The following MARCHF1 variants were observed in gnomAD, a reference collection of about 807,000 sequenced individuals.
MARCHF1 encodes the protein membrane associated ring-CH-type finger 1.
Under a neutral mutation model 54.2 loss-of-function variants are expected in MARCHF1, and 40 were observed. The ratio of observed to expected loss-of-function variants is 0.74; its 90% CI spans 0.57 to 0.96. The LOEUF (loss-of-function observed/expected upper bound fraction) is 0.96, where lower values mean the gene tolerates loss of function less well. Ranked by LOEUF, MARCHF1 falls within the 40% of genes least tolerant of loss-of-function variation. The probability of loss-of-function intolerance (pLI) is 0.00; values close to 1 mark genes in which losing one functional copy is unlikely to be tolerated. For missense variants in MARCHF1, 586 were observed against 656.5 expected (o/e 0.89, Z 1.17); for synonymous variants, 236 against 236.3 (o/e 1.00, Z 0.01).
chr4:164,292,675 C>T (rs896725680), intron 1 of MARCHF1, among the ~76,000 whole-genome samples: 1 of 152,070 alleles, frequency 6.6e-6, no homozygotes, highest in Non-Finnish European at 1.5e-5. Context: ...AATTTACCAC[C>T]ATCTGCAAAT....
intron 3 of MARCHF1, among the ~76,000 whole-genome samples, chr4:163,942,933 CAA>C (rs375426772): frequency 2.9e-5 from 4 of 139,760 alleles, no homozygotes; most frequent in Admixed American, 7.2e-5. Flanking sequence ...ACCTCTCTTC[CAA>C]AAAAAAAAAA....
intron 1 of MARCHF1, among the ~76,000 whole-genome samples, chr4:164,184,935 A>G (rs1163409669): frequency 6.6e-6 from 1 of 152,236 alleles, no homozygotes; most frequent in Admixed American, 6.5e-5. Context: ...AACTAAGTGA[A>G]TGTACTTAAT....
At chr4:164,278,090 T>A (rs1733930940) in intron 1 of MARCHF1, among the ~76,000 whole-genome samples, 1 of 152,164 alleles carries the variant, frequency 6.6e-6, no homozygotes, top group African/African-American at 2.4e-5. Context: ...AAGGCAGGAT[T>A]ACTTGAGCCC....
chr4:163,801,796 C>A (rs910637555), intron 4 of MARCHF1, among the ~76,000 whole-genome samples: 2 of 152,028 alleles, frequency 1.3e-5, no homozygotes, highest in African/African-American at 4.8e-5. Flanking sequence ...GTGTATCTGG[C>A]TTGTTTCATG....
intron 3 of MARCHF1, among the ~76,000 whole-genome samples, chr4:163,861,002 C>A (rs1164929575): frequency 1.3e-5 from 2 of 152,074 alleles, no homozygotes; most frequent in African/African-American, 4.8e-5. Context: ...AAATATGACA[C>A]AGATAATAGG....
chr4:163,787,861 T>C (rs1158579451), intron 4 of MARCHF1, among the ~76,000 whole-genome samples: 2 of 151,936 alleles, frequency 1.3e-5, no homozygotes, highest in Admixed American at 6.6e-5. Flanking sequence ...AACAAAAACA[T>C]GGCATATACA....
At chr4:164,378,031 G>A (rs1731247486) in intron 1 of MARCHF1, among the ~76,000 whole-genome samples, 2 of 152,174 alleles carry the variant, frequency 1.3e-5, no homozygotes, top group Non-Finnish European at 2.9e-5. Context: ...AACTAGAAAA[G>A]CCAGATATAA....
rs575252601 is a variant in MARCHF1 at position 164,127,549 on chromosome 4, G to A, written c.-322-15887C>T. On this transcript the variant is annotated intron_variant, in intron 1 of 9. Coordinates refer to ENST00000514618, the MANE Select transcript of MARCHF1 (RefSeq NM_001394959.1). ...GCATATTCAAGAGCTGAAACAATGC[G>A]GAACCAAATGTTAAACCAAAAAATG... Among the ~76,000 whole-genome samples the A allele has an allele frequency of 3.0e-4, 45 of 152,016 alleles. No individual in the cohort carries two copies. The South Asian group carries it at 8.9e-3, about 30-fold the overall frequency.
chr4:163,796,313 G>T (rs1014797579), intron 4 of MARCHF1, among the ~76,000 whole-genome samples: 12 of 132,254 alleles, frequency 9.1e-5, no homozygotes, highest in Non-Finnish European at 1.7e-4. Context: ...TGCAACCTCC[G>T]CCTCCCAGGT....
intron 2 of MARCHF1, among the ~76,000 whole-genome samples, chr4:164,000,931 A>G (rs960289545): frequency 6.6e-6 from 1 of 151,702 alleles, no homozygotes; most frequent in Non-Finnish European, 1.5e-5. Context: ...ATTATCGGTT[A>G]TGTTTAGTTA....
rs1431271393 is a variant in MARCHF1 at position 163,633,433 on chromosome 4, G to A, written c.163-20040C>T. On this transcript the variant is annotated intron_variant, in intron 5 of 9. Coordinates refer to ENST00000514618, the MANE Select transcript of MARCHF1 (RefSeq NM_001394959.1). ...GATGGAGCTGAAAACCAAGGCTTGA[G>A]AACTACGTAAAGAATGCAGAAGCCT... 5.3e-5 allele frequency among the ~76,000 whole-genome samples: 8 copies of A among 152,314 alleles called. No homozygotes were observed. The East Asian group carries it at 1.3e-3, about 26-fold the overall frequency.
chr4:163,854,846 CT>C, intron 3 of MARCHF1, among the ~76,000 whole-genome samples: 1 of 152,114 alleles, frequency 6.6e-6, no homozygotes, highest in East Asian at 1.9e-4. Flanking sequence ...TGTTTTGTCT[CT>C]GAAAAAGTCA....
intron 3 of MARCHF1, among the ~76,000 whole-genome samples, chr4:163,895,375 A>G (rs1300681061): frequency 6.6e-6 from 1 of 152,200 alleles, no homozygotes; most frequent in East Asian, 1.9e-4. Flanking sequence ...TGAGATAGCT[A>G]CACTTCCTGG....
At chr4:164,114,347 G>A (rs1755897296) in intron 1 of MARCHF1, among the ~76,000 whole-genome samples, 2 of 151,258 alleles carry the variant, frequency 1.3e-5, no homozygotes, top group South Asian at 4.2e-4. Context: ...ATTGTTTATT[G>A]TAACATTAAG....
intron 3 of MARCHF1, among the ~76,000 whole-genome samples, chr4:163,893,295 C>T (rs1251541747): frequency 6.6e-6 from 1 of 152,062 alleles, no homozygotes; most frequent in Admixed American, 6.5e-5. Flanking sequence ...CCTGCCACCA[C>T]ACCTGGCTAA....
intron 5 of MARCHF1, among the ~76,000 whole-genome samples, chr4:163,663,277 A>G (rs960310465): frequency 7.1e-6 from 1 of 141,048 alleles, no homozygotes; most frequent in Non-Finnish European, 1.5e-5. Flanking sequence ...ACTCAGGCCC[A>G]TTGCTTTATC....
At chr4:164,367,168 C>T (rs1036388866) in intron 1 of MARCHF1, among the ~76,000 whole-genome samples, 3 of 152,102 alleles carry the variant, frequency 2.0e-5, no homozygotes, top group African/African-American at 7.2e-5. Context: ...CTTGCCTACT[C>T]ATGTCCAAAT....
chr4:164,281,189 C>G lies in MARCHF1; in HGVS notation c.-323+102681G>C, dbSNP rs772502451. Among the ~76,000 whole-genome samples, 9 of 152,224 alleles carry G rather than the reference C, an allele frequency of 5.9e-5. No individual in the cohort carries two copies. In the East Asian group the frequency reaches 1.7e-3, roughly 29 times the overall value. On this transcript the variant is annotated intron_variant, in intron 1 of 9. Coordinates refer to ENST00000514618, the MANE Select transcript of MARCHF1 (RefSeq NM_001394959.1). ...CATGGCATAGAATAGTGTGATCATT[C>G]AAGCAAAATTCAAGCAAAAGCTTGA...
chr4:164,267,479 C>T (rs1356034035), intron 1 of MARCHF1, among the ~76,000 whole-genome samples: 1 of 152,114 alleles, frequency 6.6e-6, no homozygotes, highest in Non-Finnish European at 1.5e-5. Flanking sequence ...AGTCCTGTTA[C>T]AAGAAATTGA....
Sources: allele counts gnomAD v4.1 joint callset (sites outside exome capture counted in the v4.1 genomes callset), GRCh38; gene constraint gnomAD v4.1.1; transcripts MANE v1.5; gene names NCBI Gene and HGNC (gene_info 2026-07-23, HGNC 2026-07-21).